The following CDH18 variants were observed in gnomAD, a reference collection of about 807,000 sequenced individuals.
CDH18 encodes cadherin 18.
Under a neutral mutation model 67.9 loss-of-function variants are expected in CDH18, and 31 were observed. The observed-to-expected ratio is 0.46, with a 90% CI of 0.34 to 0.62. The LOEUF (loss-of-function observed/expected upper bound fraction) is 0.62. Ranked by LOEUF, CDH18 falls within the 20% of genes least tolerant of loss-of-function variation. The probability of loss-of-function intolerance (pLI) is 0.01; values close to 1 mark genes in which losing one functional copy is unlikely to be tolerated. For missense variants in CDH18, 890 were observed against 975.5 expected (o/e 0.91, Z 1.17); for synonymous variants, 362 against 347.2 (o/e 1.04, Z -0.48).
chr5:19,524,200 T>C (rs1033748591), intron 9 of CDH18, among the ~76,000 whole-genome samples: 1 of 151,480 alleles, frequency 6.6e-6, no homozygotes, highest in Non-Finnish European at 1.5e-5. Context: ...AGTTATGACA[T>C]CTTGAAAGTA....
intron 2 of CDH18, among the ~76,000 whole-genome samples, chr5:20,162,389 A>G: frequency 6.7e-6 from 1 of 148,446 alleles, no homozygotes; most frequent in East Asian, 1.9e-4. Flanking sequence ...ATTTTATTAG[A>G]AAAAAATTAA....
At chr5:19,653,138 G>GT (rs147239257) in intron 5 of CDH18, among the ~76,000 whole-genome samples, 5 of 151,342 alleles carry the variant, frequency 3.3e-5, no homozygotes, top group Non-Finnish European at 7.4e-5. Context: ...AGTAATGGCG[G>GT]TTTTTGCCTT....
intron 1 of CDH18, among the ~76,000 whole-genome samples, chr5:20,540,817 A>G (rs555574165): frequency 3.3e-5 from 5 of 152,344 alleles, no homozygotes; most frequent in South Asian, 4.1e-4. Flanking sequence ...GCTACATTCC[A>G]TCTGAGGATA....
At chr5:19,937,707 A>T (rs1477664936) in intron 2 of CDH18, among the ~76,000 whole-genome samples, 1 of 150,720 alleles carries the variant, frequency 6.6e-6, no homozygotes, top group East Asian at 1.9e-4. Flanking sequence ...ATATGTACAT[A>T]TTTTTTTTCA....
chr5:19,607,399 A>G (rs927536790), intron 6 of CDH18, among the ~76,000 whole-genome samples: 1 of 151,482 alleles, frequency 6.6e-6, no homozygotes, highest in Non-Finnish European at 1.5e-5. Context: ...AAACAGTTTT[A>G]AAGTCATTCT....
intron 1 of CDH18, among the ~76,000 whole-genome samples, chr5:20,568,188 G>A (rs1758621061): frequency 6.6e-6 from 1 of 152,168 alleles, no homozygotes. Flanking sequence ...TAGAGTGAAT[G>A]TGGCAACTTA....
At chr5:19,658,362 G>C (rs1035500071) in intron 5 of CDH18, among the ~76,000 whole-genome samples, 8 of 152,034 alleles carry the variant, frequency 5.3e-5, no homozygotes. Flanking sequence ...GAGCAAAGCA[G>C]GTTAAAAAAC....
At chr5:20,096,363 T>C (rs1222712275) in intron 2 of CDH18, among the ~76,000 whole-genome samples, 2 of 152,100 alleles carry the variant, frequency 1.3e-5, no homozygotes, top group Admixed American at 6.5e-5. Flanking sequence ...ATAGATTTTC[T>C]TCAGAAAAAA....
intron 1 of CDH18, among the ~76,000 whole-genome samples, chr5:20,326,675 A>T (rs1326726814): frequency 6.6e-6 from 1 of 151,640 alleles, no homozygotes; most frequent in Non-Finnish European, 1.5e-5. Flanking sequence ...AGTAGCTGGC[A>T]CTACAGGTGC....
At chr5:19,891,581 C>A (rs1420119624) in intron 2 of CDH18, among the ~76,000 whole-genome samples, 1 of 152,104 alleles carries the variant, frequency 6.6e-6, no homozygotes, top group East Asian at 1.9e-4. Flanking sequence ...CACATTATCT[C>A]CCTCAGGAGA....
intron 3 of CDH18, among the ~76,000 whole-genome samples, chr5:19,747,964 C>T (rs545773730): frequency 2.5e-4 from 37 of 150,076 alleles, no homozygotes; most frequent in Admixed American, 1.0e-3. Flanking sequence ...CAAAAAAAAA[C>T]TAGCCGGGCG....
intron 3 of CDH18, among the ~76,000 whole-genome samples, chr5:19,828,854 A>G (rs754916993): frequency 1.3e-5 from 2 of 152,148 alleles, no homozygotes; most frequent in Non-Finnish European, 2.9e-5. Context: ...CCTGGCCAAC[A>G]TGGTGAAACC....
intron 1 of CDH18, among the ~76,000 whole-genome samples, chr5:19,985,332 T>C (rs1799449746): frequency 6.6e-6 from 1 of 152,094 alleles, no homozygotes; most frequent in Non-Finnish European, 1.5e-5. Context: ...CATGAACTTT[T>C]TTCTATATAC....
At chr5:20,054,875 G>A (rs1741764905) in intron 2 of CDH18, among the ~76,000 whole-genome samples, 1 of 152,184 alleles carries the variant, frequency 6.6e-6, no homozygotes, top group South Asian at 2.1e-4. Flanking sequence ...TCTGTGGCCA[G>A]ATGGAGCAGT....
chr5:20,539,780 A>C (rs552436074), intron 1 of CDH18, among the ~76,000 whole-genome samples: 25 of 148,926 alleles, frequency 1.7e-4, no homozygotes, highest in African/African-American at 5.5e-4. Context: ...ACACACACAC[A>C]CCCTCCCTAG....
At chr5:19,668,467 T>C (rs746046045) in intron 5 of CDH18, among the ~76,000 whole-genome samples, 1 of 152,120 alleles carries the variant, frequency 6.6e-6, no homozygotes, top group East Asian at 1.9e-4. Context: ...AGACCTGTTA[T>C]AGGAATTTAA....
At chr5:20,135,560 T>A (rs1033135692) in intron 2 of CDH18, among the ~76,000 whole-genome samples, 1 of 152,336 alleles carries the variant, frequency 6.6e-6, no homozygotes, top group African/African-American at 2.4e-5. Context: ...ATTCATTGAT[T>A]TTTTGAAGAG....
In CDH18 at chr5:19,571,621, G is replaced by A. The variant is rs752962499; in HGVS notation, c.1211C>T (p.Thr404Ile). The change falls in exon 8 of 13, where the codon ACA becomes ATA. Residue 404 changes from threonine (T) to isoleucine (I), a missense_variant. Thr to Ile is a moderately conservative substitution (Grantham distance 89, BLOSUM62 -1). Coordinates refer to ENST00000382275, the MANE Select transcript of CDH18 (RefSeq NM_004934.5). Reference sequence around the variant, plus strand: ...ACTGTCAGGATCTTGTGCCAAAACTGTACCAACGACGGTCCCAATCTTGGC... The same window carrying A: ...ACTGTCAGGATCTTGTGCCAAAACTATACCAACGACGGTCCCAATCTTGGC... ...ENAKIGTVVG[T>I]VLAQDPDSTN... The A allele has an allele frequency of 5.0e-6, 8 of 1,613,830 alleles. No homozygotes were observed. In the African/African-American group the frequency reaches 8.0e-5, roughly 16 times the overall value.
At chr5:19,498,914 C>T (rs2934211) in intron 11 of CDH18, among the ~76,000 whole-genome samples, 3,741 of 152,212 alleles carry the variant, frequency 0.025, 167 homozygotes, top group African/African-American at 0.085. Flanking sequence ...TCCTAATTCC[C>T]CATTCCAGGA....
Sources: allele counts gnomAD v4.1 joint callset (sites outside exome capture counted in the v4.1 genomes callset), GRCh38; gene constraint gnomAD v4.1.1; transcripts MANE v1.5; gene names NCBI Gene and HGNC (gene_info 2026-07-23, HGNC 2026-07-21).